Variants in MARCHF3 observed in about 807,000 individuals in gnomAD.
MARCHF3 encodes the protein E3 ubiquitin-protein ligase MARCHF3.
Under a neutral mutation model 24.2 loss-of-function variants are expected in MARCHF3, and 13 were observed. The ratio of observed to expected loss-of-function variants is 0.54; its 90% CI spans 0.35 to 0.85. The LOEUF is 0.85. Among genes scored for constraint, MARCHF3 ranks in the 40% least tolerant of loss-of-function variants. The pLI, the probability that MARCHF3 is intolerant of heterozygous loss-of-function variation, is 0.01. For synonymous variants in MARCHF3, 144 were observed against 137.3 expected (o/e 1.05, Z -0.34); for missense variants, 276 against 325.0 (o/e 0.85, Z 1.16).
intron 3 of MARCHF3, among the ~76,000 whole-genome samples, chr5:126,912,075 G>C (rs879877962): frequency 6.6e-6 from 1 of 152,116 alleles, no homozygotes; most frequent in Non-Finnish European, 1.5e-5. Context: ...CCATTGATTT[G>C]CCATTATGAG....
At chr5:126,988,439 A>C (rs1278770800) in intron 1 of MARCHF3, among the ~76,000 whole-genome samples, 1 of 152,236 alleles carries the variant, frequency 6.6e-6, no homozygotes, top group African/African-American at 2.4e-5. Flanking sequence ...GAAACACCAA[A>C]GAGAAAAGCC....
chr5:126,940,504 G>T (rs1280035962), intron 1 of MARCHF3, among the ~76,000 whole-genome samples: 1 of 152,010 alleles, frequency 6.6e-6, no homozygotes, highest in African/African-American at 2.4e-5. Context: ...CTGGGGTGTA[G>T]TGGTGTGATC....
At chr5:126,904,414 G>A (rs1175023842) in intron 3 of MARCHF3, among the ~76,000 whole-genome samples, 5 of 147,932 alleles carry the variant, frequency 3.4e-5, no homozygotes, top group Non-Finnish European at 6.0e-5. Context: ...GGTTGAACTA[G>A]TTTACAGTCC....
chr5:126,886,430 C>T (rs909157050), intron 3 of MARCHF3, among the ~76,000 whole-genome samples: 8 of 152,126 alleles, frequency 5.3e-5, no homozygotes, highest in African/African-American at 1.2e-4. Flanking sequence ...CCAGTTGCCC[C>T]GCATTGTGGT....
chr5:127,008,576 AGTT>A (rs1460048723), intron 1 of MARCHF3, among the ~76,000 whole-genome samples: 13 of 152,342 alleles, frequency 8.5e-5, no homozygotes, highest in Non-Finnish European at 1.6e-4. Context: ...GTGTTTTCAT[AGTT>A]GTTGTTCTGG....
In MARCHF3 at chr5:126,869,940, C is replaced by T. The variant is rs777429590; in HGVS notation, c.*693G>A. 6.6e-6 allele frequency: 1 copy of T among 152,422 alleles called. No homozygotes were observed. The highest frequency in any genetic ancestry group is 2.4e-5 in the African/African-American group (1 of 41,348). 9.4% of individuals were successfully genotyped at this position (152,422 alleles called of 1,614,324 possible). ...TACCAAACAAGTTGAAAGGAGCGAGCTTCTCACCATATTTTTTTTTCTCCT... is the reference window on the plus strand; with the variant it reads ...TACCAAACAAGTTGAAAGGAGCGAGTTTCTCACCATATTTTTTTTTCTCCT... On this transcript the variant is annotated 3_prime_UTR_variant, in exon 5 of 5. Coordinates refer to ENST00000308660, the MANE Select transcript of MARCHF3 (RefSeq NM_178450.5).
Position 126,907,541 on chromosome 5 carries a change from T to C in MARCHF3, c.393+7389A>G, listed in dbSNP as rs1441941103. 3.3e-5 allele frequency among the ~76,000 whole-genome samples: 5 copies of C among 152,162 alleles called. No individual in the cohort carries two copies. In the East Asian group the frequency reaches 9.6e-4, roughly 29 times the overall value. ...TATATATATTTAGGATAGTTAGCTC[T>C]TCTTGTTGAATTGATCCCTTTACCA... is the stretch of plus-strand genomic sequence containing the variant. On this transcript the variant is annotated intron_variant, in intron 3 of 4. Transcript: ENST00000308660.
intron 1 of MARCHF3, among the ~76,000 whole-genome samples, chr5:127,015,024 T>C (rs1413944653): frequency 6.6e-6 from 1 of 152,130 alleles, no homozygotes; most frequent in Non-Finnish European, 1.5e-5. Flanking sequence ...ATGATAGATA[T>C]GATAATTACC....
intron 3 of MARCHF3, among the ~76,000 whole-genome samples, chr5:126,892,767 C>T (rs1259795605): frequency 6.8e-6 from 1 of 146,658 alleles, no homozygotes; most frequent in Non-Finnish European, 1.5e-5. Flanking sequence ...TGTTATGTCT[C>T]TGCCTGGCTT....
At position 126,998,992 on chromosome 5, in the gene MARCHF3, A is replaced by G. The variant is rs543915825; in HGVS notation, c.-57+31358T>C. ...GTGCCAAAAATCCAGAGAGGCTCCCAGAAAGTTCCCTCTCAGCAACCCCTC... is the reference window on the plus strand; with the variant it reads ...GTGCCAAAAATCCAGAGAGGCTCCCGGAAAGTTCCCTCTCAGCAACCCCTC... On this transcript the variant is annotated intron_variant, in intron 1 of 4. Coordinates refer to ENST00000308660, the MANE Select transcript of MARCHF3 (RefSeq NM_178450.5). 2.6e-5 allele frequency among the ~76,000 whole-genome samples: 4 copies of G among 152,342 alleles called. No homozygotes were observed. The South Asian group carries it at 6.2e-4, about 24-fold the overall frequency.
At chr5:127,025,972 A>G (rs1411552739) in intron 1 of MARCHF3, among the ~76,000 whole-genome samples, 1 of 152,180 alleles carries the variant, frequency 6.6e-6, no homozygotes, top group Non-Finnish European at 1.5e-5. Flanking sequence ...AAGAGGGCAG[A>G]CTGATTTAAA....
At chr5:126,872,157 G>A (rs923283079) in intron 4 of MARCHF3, among the ~76,000 whole-genome samples, 3 of 128,770 alleles carry the variant, frequency 2.3e-5, no homozygotes, top group Admixed American at 1.9e-4. Context: ...TCGGCTCACC[G>A]CAACCTCTGT....
chr5:127,015,593 A>G (rs1752613903), intron 1 of MARCHF3, among the ~76,000 whole-genome samples: 1 of 152,232 alleles, frequency 6.6e-6, no homozygotes, highest in South Asian at 2.1e-4. Flanking sequence ...GGAGGAAAGC[A>G]TTCTGCTTCA....
In MARCHF3 at chr5:126,915,051, C is replaced by T. The variant is rs2126792659; in HGVS notation, c.272G>A (p.Gly91Glu). 6.2e-7 allele frequency: 1 copy of T among 1,614,164 alleles called. No individual in the cohort carries two copies. The highest frequency in any genetic ancestry group is 8.5e-7 in the Non-Finnish European group (1 of 1,180,026). The change falls in exon 3 of 5, where the codon GGG becomes GAG. Residue 91 changes from glycine (G) to glutamate (E), a missense_variant. Transcript: ENST00000308660. ...EDLLSPCECT[G>E]TLGTIHRSCL... is the part of the protein sequence containing the mutation. Reference sequence around the variant, plus strand: ...GCTCCGATGAATTGTCCCCAAGGTCCCTGTACATTCACATGGAGAGAGCAA... The same window carrying T: ...GCTCCGATGAATTGTCCCCAAGGTCTCTGTACATTCACATGGAGAGAGCAA...
In MARCHF3 at chr5:126,870,777, G is replaced by A. The variant is rs1305206788; in HGVS notation, c.618C>T (p.Tyr206=). Residue 206 remains tyrosine (Y), a synonymous_variant, in exon 5 of 5, where the codon TAC becomes TAT. Coordinates refer to ENST00000308660, the MANE Select transcript of MARCHF3 (RefSeq NM_178450.5). ...GCCACTCGTTGTACAATCGACAGTG[G>A]TACCTAAATGACACCTGGGGATGGG... ...YLFWTLVSFR[Y]HCRLYNEWRR... is the part of the protein sequence containing the mutation. The A allele has an allele frequency of 4.3e-6, 7 of 1,614,048 alleles. No homozygotes were observed. Among genetic ancestry groups the A allele is most frequent in the African/African-American group, 2.7e-5 (2 of 74,948 alleles).
At chr5:126,994,857 C>T (rs765638516) in intron 1 of MARCHF3, among the ~76,000 whole-genome samples, 2 of 152,214 alleles carry the variant, frequency 1.3e-5, no homozygotes, top group Non-Finnish European at 2.9e-5. Flanking sequence ...AGCCTTCAGC[C>T]GGTGGCCGAA....
At chr5:126,947,433 G>T (rs2126813473) in intron 1 of MARCHF3, among the ~76,000 whole-genome samples, 1 of 152,342 alleles carries the variant, frequency 6.6e-6, no homozygotes, top group Non-Finnish European at 1.5e-5. Flanking sequence ...AACAAGAGGA[G>T]CACAGAGGGT....
At chr5:126,927,098 T>C (rs1422764638) in intron 1 of MARCHF3, among the ~76,000 whole-genome samples, 1 of 152,168 alleles carries the variant, frequency 6.6e-6, no homozygotes, top group Non-Finnish European at 1.5e-5. Flanking sequence ...GCCTTAGACA[T>C]GGCTTCCCTC....
In MARCHF3 at chr5:126,946,283, A is replaced by C. The variant is rs766030013; in HGVS notation, c.-56-28056T>G. The C allele has an allele frequency of 2.0e-5, 3 of 150,740 alleles. No individual in the cohort carries two copies. The South Asian group carries it at 6.4e-4, about 32-fold the overall frequency. The allele number at this position is 150,740 out of a possible 1,614,324, so 9.3% of individuals were successfully genotyped here. On this transcript the variant is annotated intron_variant, in intron 1 of 4. Transcript: ENST00000308660. ...GCTACTCAGGAGGCTGAGGCAGGAG[A>C]ATTGCTTGAACCTGGGAGGCAGAGA...
Sources: allele counts gnomAD v4.1 joint callset (sites outside exome capture counted in the v4.1 genomes callset), GRCh38; gene constraint gnomAD v4.1.1; transcripts MANE v1.5; gene names NCBI Gene and HGNC (gene_info 2026-07-23, HGNC 2026-07-21).